The following MZT2A variants were observed in gnomAD, a reference collection of about 807,000 sequenced individuals.
The protein encoded by MZT2A is mitotic-spindle organizing protein 2A.
MZT2A carries 8 observed loss-of-function variants against 12.4 expected under a neutral mutation model. The ratio of observed to expected loss-of-function variants is 0.64; its 90% confidence interval spans 0.38 to 1.16. The LOEUF is 1.16. Among genes scored for constraint, MZT2A ranks in the 50% most tolerant of loss-of-function variants. The probability of loss-of-function intolerance (pLI) is 0.01; values close to 1 mark genes in which losing one functional copy is unlikely to be tolerated. For synonymous variants in MZT2A, 88 were observed against 107.5 expected, an observed-to-expected ratio of 0.82 and a Z score of 1.12; for missense variants, 181 against 223.6, an observed-to-expected ratio of 0.81 and a Z score of 1.22.
chr2:131,482,779 A>C, downstream of MZT2A: 1 of 1,614,158 alleles, frequency 6.2e-7, no homozygotes, highest in Non-Finnish European at 8.5e-7. Context: ...TGGCAGCTCT[A>C]GAGAAGGATT....
intron 2 of MZT2A, among the ~76,000 whole-genome samples, chr2:131,489,185 T>C (rs1196225592): frequency 6.6e-6 from 1 of 151,902 alleles, no homozygotes; most frequent in Non-Finnish European, 1.5e-5. Flanking sequence ...TAGTGGTTTT[T>C]CTTTTCCTTT....
chr2:131,475,336 T>C (rs1678621466), intron 2 of MZT2A, among the ~76,000 whole-genome samples: 1 of 142,248 alleles, frequency 7.0e-6, no homozygotes. Context: ...TTTTTTTTTT[T>C]TTTTTTTTTG....
At chr2:131,479,536 T>C (rs1678780285), downstream of MZT2A, 3 of 1,586,556 alleles carry the variant, frequency 1.9e-6, no homozygotes, top group African/African-American at 4.0e-5. Context: ...AGTCATTTTA[T>C]CAACACTTAG....
At chr2:131,491,548 C>G (rs1222944710) in intron 2 of MZT2A, 6 of 483,162 alleles carry the variant, frequency 1.2e-5, no homozygotes, top group South Asian at 2.5e-5. Flanking sequence ...GCGTGAGCCA[C>G]GGCGCCCAGC....
At chr2:131,473,340 G>A (rs1678527177) in intron 2 of MZT2A, among the ~76,000 whole-genome samples, 1 of 151,322 alleles carries the variant, frequency 6.6e-6, no homozygotes, top group Non-Finnish European at 1.5e-5. Context: ...ATCTTGCTAA[G>A]GGAAGACCTG....
chr2:131,482,959 G>T, downstream of MZT2A: 1 of 1,516,820 alleles, frequency 6.6e-7, no homozygotes, highest in Non-Finnish European at 8.8e-7. Flanking sequence ...GTGCAGCTTA[G>T]CTCTGCCTAC....
chr2:131,479,961 T>G (rs1211027735), downstream of MZT2A: 1 of 1,400,118 alleles, frequency 7.1e-7, no homozygotes, highest in Admixed American at 2.6e-5. Flanking sequence ...TATGGATGAT[T>G]TGAATCCATA....
At chr2:131,474,415 T>C (rs967493992) in intron 2 of MZT2A, among the ~76,000 whole-genome samples, 17 of 143,404 alleles carry the variant, frequency 1.2e-4, no homozygotes, top group African/African-American at 4.1e-4. Flanking sequence ...CTTTTTTTTT[T>C]TTTTTTTTTT....
downstream of MZT2A, chr2:131,479,202 G>A (rs575365089): frequency 1.3e-4 from 191 of 1,501,676 alleles, no homozygotes; most frequent in South Asian, 1.6e-3. Flanking sequence ...TGTAGGTCAT[G>A]TACTTTGAAC....
chr2:131,492,645 C>T, upstream of MZT2A: 2 of 1,251,284 alleles, frequency 1.6e-6, no homozygotes, highest in Non-Finnish European at 2.0e-6. Context: ...CCCTGATAGA[C>T]TTGCATTGGT....
At position 131,484,236 on chromosome 2, in the gene MZT2A, A is replaced by G; in HGVS notation, c.320-18T>C. 3 of 1,612,010 alleles carry G rather than the reference A, an allele frequency of 1.9e-6. No homozygotes were observed. Among genetic ancestry groups the G allele is most frequent in the Non-Finnish European group, 2.5e-6 (3 of 1,178,380 alleles). Reference sequence around the variant, plus strand: ...GTCTCTCCCTAAGGAGACACAAAGCACAATGATTAGGAATGGACGCGCCCC... The same window carrying G: ...GTCTCTCCCTAAGGAGACACAAAGCGCAATGATTAGGAATGGACGCGCCCC... On this transcript the variant is annotated intron_variant, in intron 2 of 2. Transcript: ENST00000309451.
intron 2 of MZT2A, chr2:131,476,036 G>C (rs922726060): frequency 9.6e-6 from 13 of 1,353,428 alleles, no homozygotes; most frequent in African/African-American, 3.0e-5. Flanking sequence ...CTGGGATCCG[G>C]CCCTCAGCCC....
At chr2:131,492,916 C>G, upstream of MZT2A, 1 of 1,518,050 alleles carries the variant, frequency 6.6e-7, no homozygotes. Context: ...AAGGACCACT[C>G]CCTCCCCCCG....
chr2:131,493,751 GGACTCTAGGTGCATGGCACGCA>G (rs1226851797), upstream of MZT2A, among the ~76,000 whole-genome samples: 2 of 152,176 alleles, frequency 1.3e-5, no homozygotes, highest in African/African-American at 4.8e-5. Context: ...GCGACGAAGT[GGACTCTAGGTGCATGGCACGCA>G]GAGACCTGTG....
At chr2:131,487,583 A>C (rs1477874080) in intron 2 of MZT2A, among the ~76,000 whole-genome samples, 2 of 152,240 alleles carry the variant, frequency 1.3e-5, no homozygotes, top group Non-Finnish European at 2.9e-5. Context: ...TCAGTACATA[A>C]ATTATTCATA....
downstream of MZT2A, chr2:131,483,893 C>G: frequency 7.3e-7 from 1 of 1,371,404 alleles, no homozygotes; most frequent in South Asian, 2.1e-5. Context: ...ACAACCAGGA[C>G]CGGCACAGAA....
rs571542142 is a variant in MZT2A at position 131,473,039 on chromosome 2, C to T, written c.279-857G>A. On this transcript the variant is annotated intron_variant and NMD_transcript_variant, in intron 2 of 4. Coordinates refer to the MZT2A transcript ENST00000427024. ...GGGTGGGCCCTGATCCAACAGGATTCGTGTCCTTATAAGAGACCAGAGAGC... is the reference window on the plus strand; with the variant it reads ...GGGTGGGCCCTGATCCAACAGGATTTGTGTCCTTATAAGAGACCAGAGAGC... Among the ~76,000 whole-genome samples the T allele has an allele frequency of 3.0e-4, 46 of 152,256 alleles. 2 individuals are homozygous for T. The South Asian group carries it at 9.1e-3, about 30-fold the overall frequency.
chr2:131,483,006 G>C, downstream of MZT2A: 21 of 1,304,000 alleles, frequency 1.6e-5, no homozygotes, highest in Non-Finnish European at 2.1e-5. Context: ...CATGGACAGC[G>C]GTGGGGTGCC....
chr2:131,480,563 G>A (rs1420801507), downstream of MZT2A: 4 of 1,610,636 alleles, frequency 2.5e-6, no homozygotes, highest in Admixed American at 1.7e-5. Context: ...CTGTGGCCGA[G>A]ATCACCAATG....
Sources: allele counts gnomAD v4.1 joint callset (sites outside exome capture counted in the v4.1 genomes callset), GRCh38; gene constraint gnomAD v4.1.1; transcripts MANE v1.5; gene names NCBI Gene and HGNC (gene_info 2026-07-23, HGNC 2026-07-21).